PAQR3: variants seen among roughly 807,000 people sequenced by gnomAD.
PAQR3 encodes the protein progestin and adipoQ receptor family member 3.
Under a neutral mutation model 41.7 loss-of-function variants are expected in PAQR3, and 39 were observed. The ratio of observed to expected loss-of-function variants is 0.93; its 90% CI spans 0.72 to 1.22. PAQR3 has a LOEUF of 1.22. Ranked by LOEUF, PAQR3 falls within the 50% of genes most tolerant of loss-of-function variation. PAQR3 has a pLI of 0.00. For missense variants in PAQR3, 366 were observed against 385.6 expected, an observed-to-expected ratio of 0.95 and a Z score of 0.42; for synonymous variants, 140 against 140.6, an observed-to-expected ratio of 1.00 and a Z score of 0.03.
At chr4:78,892,929 G>GA (rs895387370) in intron 11 of PAQR3, among the ~76,000 whole-genome samples, 6 of 152,160 alleles carry the variant, frequency 3.9e-5, no homozygotes, top group Non-Finnish European at 7.3e-5. Context: ...TGATGGATTA[G>GA]GGTGTTGGTT....
At chr4:78,887,659 G>C (rs564490676) in intron 12 of PAQR3, among the ~76,000 whole-genome samples, 1 of 152,118 alleles carries the variant, frequency 6.6e-6, no homozygotes, top group Admixed American at 6.5e-5. Context: ...TAATAATTTT[G>C]TATTTGTCAC....
At chr4:78,908,961 C>T (rs1734425489), downstream of PAQR3, among the ~76,000 whole-genome samples, 1 of 151,414 alleles carries the variant, frequency 6.6e-6, no homozygotes, top group African/African-American at 2.4e-5. Context: ...ACCCACCCTG[C>T]CACCACTGTC....
intron 5 of PAQR3, among the ~76,000 whole-genome samples, chr4:78,921,443 A>G (rs1735647916): frequency 6.6e-6 from 1 of 152,012 alleles, no homozygotes; most frequent in South Asian, 2.1e-4. Context: ...TTTCTTACCA[A>G]TCAGTACAGT....
In PAQR3 at chr4:78,926,408, G is replaced by T. The variant is rs370085148; in HGVS notation, c.702+113C>A. On this transcript the variant is annotated intron_variant, in intron 4 of 5. Coordinates refer to ENST00000512733, the MANE Select transcript of PAQR3 (RefSeq NM_001040202.2). Reference sequence around the variant, plus strand: ...GGCATCAACATGCAATTACAAATATGTTCTCAAATGACAAACATCTACCCA... The same window carrying T: ...GGCATCAACATGCAATTACAAATATTTTCTCAAATGACAAACATCTACCCA... 2.8e-4 allele frequency: 236 copies of T among 833,876 alleles called. 3 individuals carry two copies. The East Asian group carries it at 3.8e-3, about 13-fold the overall frequency. The allele number at this position is 833,876 out of a possible 1,614,324, so 51.7% of individuals were successfully genotyped here.
intron 11 of PAQR3, among the ~76,000 whole-genome samples, chr4:78,900,061 A>C (rs1271009890): frequency 2.0e-5 from 3 of 152,112 alleles, no homozygotes; most frequent in African/African-American, 7.2e-5. Context: ...CGCCTCTGCT[A>C]TCCCTATCTT....
chr4:78,891,311 C>T (rs1030008182), intron 11 of PAQR3, among the ~76,000 whole-genome samples: 2 of 152,094 alleles, frequency 1.3e-5, no homozygotes, highest in African/African-American at 4.8e-5. Context: ...CCTCCTTACC[C>T]CACCATGGAC....
At chr4:78,887,126 A>C (rs973715377), downstream of PAQR3, 1 of 1,305,404 alleles carries the variant, frequency 7.7e-7, no homozygotes, top group East Asian at 2.5e-5. Flanking sequence ...TTTAAAGATC[A>C]TTTTTATTTC....
In PAQR3 at chr4:78,939,412, G is replaced by T. The variant is rs1004460670; in HGVS notation, c.-188C>A. On this transcript the variant is annotated 5_prime_UTR_variant, in exon 1 of 6. Coordinates refer to ENST00000512733, the MANE Select transcript of PAQR3 (RefSeq NM_001040202.2). ...CGGCCACTGCCGCCAGCGCCGCGGCGGACCCGGCAGCGTCGCAGCCTCCTC... is the reference window on the plus strand; with the variant it reads ...CGGCCACTGCCGCCAGCGCCGCGGCTGACCCGGCAGCGTCGCAGCCTCCTC... The T allele has an allele frequency of 2.0e-5, 6 of 307,374 alleles. 1 individual carries two copies. The South Asian group carries it at 8.7e-4, about 45-fold the overall frequency. 19.0% of individuals were successfully genotyped at this position (307,374 alleles called of 1,614,324 possible).
At chr4:78,906,348 T>G (rs978026225) in intron 10 of PAQR3, among the ~76,000 whole-genome samples, 3 of 152,108 alleles carry the variant, frequency 2.0e-5, no homozygotes, top group Admixed American at 6.6e-5. Context: ...GATTGTTATT[T>G]TAGTTTTATG....
At chr4:78,922,243 G>A (rs1165686998) in intron 5 of PAQR3, 2 of 1,221,588 alleles carry the variant, frequency 1.6e-6, no homozygotes, top group South Asian at 2.9e-5. Context: ...TTACAACGCA[G>A]GTTTTCCCTT....
chr4:78,917,036 A>G lies in PAQR3; in HGVS notation c.*3503T>C, dbSNP rs2110123205. ...ATGAAAATGAATGGTACAAAGCAAA[A>G]TAACACAAATGATTAGAAAAGTTCT... On this transcript the variant is annotated 3_prime_UTR_variant, in exon 6 of 6. Coordinates refer to ENST00000512733, the MANE Select transcript of PAQR3 (RefSeq NM_001040202.2). The G allele has an allele frequency of 6.6e-6, 1 of 152,088 alleles. No homozygotes were observed. Among genetic ancestry groups the G allele is most frequent in the Middle Eastern group, 3.4e-3 (1 of 294 alleles). 9.4% of individuals were successfully genotyped at this position (152,088 alleles called of 1,614,324 possible).
At chr4:78,899,155 T>C (rs1733867337) in intron 11 of PAQR3, 1 of 152,204 alleles carries the variant, frequency 6.6e-6, no homozygotes, top group Non-Finnish European at 1.5e-5. Flanking sequence ...CCCCTTCTCT[T>C]AAAGTAAGTC....
chr4:78,919,682 G>A lies in PAQR3; in HGVS notation c.*857C>T. 1.0e-6 allele frequency: 1 copy of A among 985,044 alleles called. No homozygotes were observed. Among genetic ancestry groups the A allele is most frequent in the Non-Finnish European group, 1.2e-6 (1 of 829,756 alleles). 61.0% of individuals were successfully genotyped at this position (985,044 alleles called of 1,614,324 possible). ...GGAACCCCCACCACTGGGATATTCAGGACTACAAATTCAGAGAGTTGAAAG... is the reference window on the plus strand; with the variant it reads ...GGAACCCCCACCACTGGGATATTCAAGACTACAAATTCAGAGAGTTGAAAG... On this transcript the variant is annotated 3_prime_UTR_variant, in exon 6 of 6. Transcript: ENST00000512733.
At chr4:78,904,483 CTG>C (rs1016332969) in intron 11 of PAQR3, among the ~76,000 whole-genome samples, 3 of 151,888 alleles carry the variant, frequency 2.0e-5, no homozygotes, top group Non-Finnish European at 2.9e-5. Context: ...TCCTGAGAGA[CTG>C]TTTACAAGCC....
chr4:78,891,599 T>G (rs1446570295), intron 11 of PAQR3, among the ~76,000 whole-genome samples: 1 of 152,210 alleles, frequency 6.6e-6, no homozygotes, highest in East Asian at 1.9e-4. Context: ...TCTTAGAAAT[T>G]TCCTTGGCTT....
At position 78,914,406 on chromosome 4, in the gene PAQR3, GGGTTCAATA is replaced by G. The variant is rs1454592937; in HGVS notation, c.*6124_*6132del. On this transcript the variant is annotated 3_prime_UTR_variant, in exon 6 of 6. Transcript: ENST00000512733. ...GAGAAAAGATACAGGATTCAATTGGGGGTTCAATAGGATAGAAATGGAGAGATTCCTTTG... is the reference window on the plus strand; with the variant it reads ...GAGAAAAGATACAGGATTCAATTGGGGGATAGAAATGGAGAGATTCCTTTG... 2 of 151,924 alleles carry G rather than the reference GGGTTCAATA, an allele frequency of 1.3e-5. No homozygotes were observed. The highest frequency in any genetic ancestry group is 2.9e-5 in the Non-Finnish European group (2 of 67,938). 9.4% of individuals were successfully genotyped at this position (151,924 alleles called of 1,614,324 possible). A position where few individuals can be genotyped will look rare whatever the true frequency, so the allele number is the denominator to read the frequency against.
rs2110115242 is a variant in PAQR3 at position 78,913,649 on chromosome 4, A to G, written c.*6890T>C. On this transcript the variant is annotated 3_prime_UTR_variant, in exon 6 of 6. Coordinates refer to ENST00000512733, the MANE Select transcript of PAQR3 (RefSeq NM_001040202.2). ...ATTAGGAATCTCTTATAGTGCCCCA[A>G]TGGGATAAGCTATTTGCCTATTTTC... 1 of 152,290 alleles carries G rather than the reference A, an allele frequency of 6.6e-6. No individual in the cohort carries two copies. The highest frequency in any genetic ancestry group is 1.5e-5 in the Non-Finnish European group (1 of 67,986). 9.4% of individuals were successfully genotyped at this position (152,290 alleles called of 1,614,324 possible).
intron 11 of PAQR3, among the ~76,000 whole-genome samples, chr4:78,902,665 C>T (rs186011224): frequency 1.9e-4 from 29 of 152,136 alleles, no homozygotes; most frequent in African/African-American, 6.3e-4. Context: ...AACATCAAAA[C>T]AAAATTTCCC....
chr4:78,918,699 GTTT>G lies in PAQR3; in HGVS notation c.*1837_*1839del. 3.1e-6 allele frequency: 3 copies of G among 964,922 alleles called. No individual in the cohort carries two copies. The highest frequency in any genetic ancestry group is 3.7e-6 in the Non-Finnish European group (3 of 811,474). The allele number at this position is 964,922 out of a possible 1,614,324, so 59.8% of individuals were successfully genotyped here. Reference sequence around the variant, plus strand: ...ACTGCAAAAATTGAAATGATTCAATGTTTTTTTATTTTGAGAAAGTTTTATAAT... The same window carrying G: ...ACTGCAAAAATTGAAATGATTCAATGTTTTATTTTGAGAAAGTTTTATAAT... On this transcript the variant is annotated 3_prime_UTR_variant, in exon 6 of 6. Transcript: ENST00000512733.
Sources: gnomAD v4.1 joint callset for allele counts (sites outside exome capture counted in the v4.1 genomes callset) on GRCh38, gnomAD v4.1.1 for gene constraint, MANE v1.5 for transcripts, NCBI Gene and HGNC (gene_info 2026-07-23, HGNC 2026-07-21) for gene names.